The following APOO variants were observed in gnomAD, a reference collection of about 807,000 sequenced individuals.
APOO encodes the protein apolipoprotein O, also known as MICOS complex subunit MIC26.
Under a neutral mutation model 23.1 loss-of-function variants are expected in APOO, and 11 were observed. That is an observed-to-expected ratio of 0.48 (90% CI 0.30 to 0.79). The LOEUF is 0.79. APOO is among the 30% of genes least tolerant of loss of function. APOO has a pLI of 0.07. For synonymous variants in APOO, 59 were observed against 54.8 expected (o/e 1.08, Z -0.34); for missense variants, 160 against 142.7 (o/e 1.12, Z -0.62).
chrX:23,840,658 T>C (rs1394622154), intron 7 of APOO: 2 of 213,142 alleles, frequency 9.4e-6, no homozygotes, highest in Non-Finnish European at 8.3e-6. Context: ...GGCCCTACTG[T>C]AGAGTGACTT....
chrX:23,902,350 C>T (rs2520235), intron 1 of APOO, among the ~76,000 whole-genome samples: 1 of 110,010 alleles, frequency 9.1e-6, no homozygotes, highest in Non-Finnish European at 1.9e-5. Context: ...CAGAACCATG[C>T]GCAGGGGCTT....
At chrX:23,838,352 T>C (rs1160894124) in intron 8 of APOO, among the ~76,000 whole-genome samples, 1 of 36,533 alleles carries the variant, frequency 2.7e-5, no homozygotes, top group Admixed American at 3.6e-4. Context: ...AGTGAAACTC[T>C]ATCTCAAAAA....
intron 5 of APOO, among the ~76,000 whole-genome samples, chrX:23,864,917 C>A (rs1370246110): frequency 1.8e-5 from 2 of 111,032 alleles, no homozygotes; most frequent in Non-Finnish European, 3.8e-5. Context: ...CCAGTCATTT[C>A]TCACTCCTCC....
rs773705746 is a variant in APOO, at chrX:23,881,136, G to A, written c.10-184C>T. Among the ~76,000 whole-genome samples the A allele has an allele frequency of 2.7e-5, 3 of 110,589 alleles. No homozygotes were observed. The South Asian group carries it at 1.1e-3, about 42-fold the overall frequency. ...GTTACCCAGGCTGCGGTGTAGTGGC[G>A]TGATCTCAGCTCACTGCAACCTCCA... is the stretch of plus-strand genomic sequence containing the variant. On this transcript the variant is annotated intron_variant, in intron 1 of 8. Transcript: ENST00000379226.
At chrX:23,900,785 C>T (rs752021785) in intron 1 of APOO, among the ~76,000 whole-genome samples, 7 of 110,177 alleles carry the variant, frequency 6.4e-5, no homozygotes, top group Non-Finnish European at 1.1e-4. Flanking sequence ...GTTTTTTCTT[C>T]GTCTCTGTGA....
At chrX:23,852,642 T>A (rs1924598679) in intron 7 of APOO, among the ~76,000 whole-genome samples, 1 of 108,650 alleles carries the variant, frequency 9.2e-6, no homozygotes, top group African/African-American at 3.4e-5. Flanking sequence ...AATTAGATGA[T>A]ACTTAATTGA....
chrX:23,852,923 T>C (rs2146980373), intron 7 of APOO, among the ~76,000 whole-genome samples: 1 of 110,159 alleles, frequency 9.1e-6, no homozygotes, highest in East Asian at 2.8e-4. Context: ...CCCAGAAAGA[T>C]TCATTTTCCA....
intron 7 of APOO, among the ~76,000 whole-genome samples, chrX:23,848,693 T>C (rs562487636): frequency 8.4e-5 from 9 of 107,295 alleles, no homozygotes; most frequent in Non-Finnish European, 1.2e-4. Flanking sequence ...CTTTTCTTTT[T>C]TTTTTTTTTT....
At chrX:23,882,148 A>G (rs1390461163) in intron 1 of APOO, among the ~76,000 whole-genome samples, 2 of 110,962 alleles carry the variant, frequency 1.8e-5, no homozygotes, top group Non-Finnish European at 3.8e-5. Context: ...AGAAATCTGT[A>G]GCAAAACTGC....
chrX:23,897,497 C>T (rs1926948949), intron 1 of APOO, among the ~76,000 whole-genome samples: 1 of 111,755 alleles, frequency 8.9e-6, no homozygotes, highest in Non-Finnish European at 1.9e-5. Context: ...CTACTTAAGA[C>T]TCCTATATAT....
intron 1 of APOO, among the ~76,000 whole-genome samples, chrX:23,896,267 C>CAA (rs59861068): frequency 1.5e-4 from 15 of 98,050 alleles, no homozygotes; most frequent in East Asian, 1.3e-3. Flanking sequence ...GACTCCGTCT[C>CAA]AAAAAAAAAA....
intron 1 of APOO, 32 bp downstream of exon 1, chrX:23,907,662 G>A (rs372874378): frequency 3.5e-6 from 4 of 1,148,011 alleles, no homozygotes; most frequent in Non-Finnish European, 4.6e-6. Context: ...GGAGGGGGCG[G>A]TGACAGCTGT....
intron 5 of APOO, among the ~76,000 whole-genome samples, chrX:23,859,215 T>G (rs1924908921): frequency 8.9e-6 from 1 of 111,917 alleles, no homozygotes; most frequent in Admixed American, 9.6e-5. Flanking sequence ...AAAACGCTTT[T>G]GCACTGCTTT....
chrX:23,893,426 AAAAT>A (rs963899679), intron 1 of APOO, among the ~76,000 whole-genome samples: 1 of 110,297 alleles, frequency 9.1e-6, no homozygotes, highest in African/African-American at 3.3e-5. Flanking sequence ...CTCCGTCTGA[AAAAT>A]AAATAAATAA....
intron 8 of APOO, chrX:23,837,110 G>A (rs1923723248): frequency 6.0e-6 from 5 of 827,901 alleles, no homozygotes; most frequent in Admixed American, 2.5e-5. Context: ...CAAATAGTCC[G>A]AACGGTAGCC....
At chrX:23,881,782 C>CA (rs10713629) in intron 1 of APOO, among the ~76,000 whole-genome samples, 29 of 81,510 alleles carry the variant, frequency 3.6e-4, no homozygotes, top group Non-Finnish European at 5.0e-4. Context: ...ACTAAAATTA[C>CA]AAAAAAAAAA....
chrX:23,848,988 C>A (rs1465407534), intron 7 of APOO, among the ~76,000 whole-genome samples: 3 of 108,592 alleles, frequency 2.8e-5, no homozygotes, highest in Admixed American at 1.0e-4. Flanking sequence ...TCCTGAGTAG[C>A]TGGGACTACA....
At chrX:23,836,191 T>C (rs774943765) in intron 8 of APOO, among the ~76,000 whole-genome samples, 67 of 113,104 alleles carry the variant, frequency 5.9e-4, no homozygotes, top group African/African-American at 2.1e-3. Flanking sequence ...GAGTGTGCAG[T>C]GGCACGATCT....
chrX:23,857,896 T>A (rs1569231021), intron 6 of APOO, among the ~76,000 whole-genome samples: 1 of 111,082 alleles, frequency 9.0e-6, no homozygotes, highest in Non-Finnish European at 1.9e-5. Flanking sequence ...TAGGCATTAA[T>A]AACAAACCAC....
Sources: allele counts gnomAD v4.1 joint callset (sites outside exome capture counted in the v4.1 genomes callset), GRCh38; gene constraint gnomAD v4.1.1; transcripts MANE v1.5; gene names NCBI Gene and HGNC (gene_info 2026-07-23, HGNC 2026-07-21).